GPC6: variants seen among roughly 807,000 people sequenced by gnomAD.
GPC6 encodes the protein glypican-6.
In GPC6, 14 loss-of-function variants were observed where a neutral mutation model predicts 55.2. The ratio of observed to expected loss-of-function variants is 0.25; its 90% CI spans 0.17 to 0.40. The LOEUF (loss-of-function observed/expected upper bound fraction) is 0.40. GPC6 is among the 10% of genes least tolerant of loss of function. The pLI, the probability that GPC6 is intolerant of heterozygous loss-of-function variation, is 1.00. For missense variants in GPC6, 641 were observed against 708.5 expected (o/e 0.90, Z 1.08); for synonymous variants, 278 against 259.6 (o/e 1.07, Z -0.68).
At chr13:93,408,385 A>G (rs1372861144) in intron 1 of GPC6, among the ~76,000 whole-genome samples, 2 of 152,158 alleles carry the variant, frequency 1.3e-5, no homozygotes, top group Admixed American at 6.6e-5. Flanking sequence ...CATGAGAAAA[A>G]GAAGTCCCAT....
At position 94,321,116 on chromosome 13, in the gene GPC6, T is replaced by G. The variant is rs554251158; in HGVS notation, c.1152+14993T>G. ...TGGTGTCTTTTGTTCCTCTCTTTTGTGTCCATGTGTTTTCGTCATTTACTG... is the reference window on the plus strand; with the variant it reads ...TGGTGTCTTTTGTTCCTCTCTTTTGGGTCCATGTGTTTTCGTCATTTACTG... On this transcript the variant is annotated intron_variant, in intron 6 of 8. Coordinates refer to ENST00000377047, the MANE Select transcript of GPC6 (RefSeq NM_005708.5). Among the ~76,000 whole-genome samples the G allele has an allele frequency of 5.9e-5, 9 of 152,326 alleles. No individual in the cohort carries two copies. The South Asian group carries it at 1.9e-3, about 32-fold the overall frequency.
At chr13:93,935,661 A>G (rs1400725916) in intron 3 of GPC6, among the ~76,000 whole-genome samples, 1 of 152,192 alleles carries the variant, frequency 6.6e-6, no homozygotes, top group Non-Finnish European at 1.5e-5. Context: ...TTTCTGTTGG[A>G]GAGCACTATT....
intron 1 of GPC6, among the ~76,000 whole-genome samples, chr13:93,502,945 A>G (rs937325173): frequency 1.3e-5 from 2 of 152,198 alleles, no homozygotes; most frequent in Non-Finnish European, 2.9e-5. Flanking sequence ...ATGTACTAAA[A>G]TAATTATGAA....
chr13:93,612,662 A>T (rs1041834394), intron 2 of GPC6, among the ~76,000 whole-genome samples: 5 of 152,210 alleles, frequency 3.3e-5, no homozygotes, highest in African/African-American at 9.6e-5. Flanking sequence ...CCAAATAGGG[A>T]GTAAATTAGG....
chr13:93,812,908 C>G (rs1886740518), intron 2 of GPC6, among the ~76,000 whole-genome samples: 2 of 152,100 alleles, frequency 1.3e-5, no homozygotes, highest in Admixed American at 6.6e-5. Context: ...ATGCCTGTCT[C>G]TCAACTTTTG....
chr13:93,955,078 G>A (rs569107039), intron 3 of GPC6, among the ~76,000 whole-genome samples: 1 of 152,160 alleles, frequency 6.6e-6, no homozygotes, highest in East Asian at 1.9e-4. Flanking sequence ...GGCCCCTTCT[G>A]TGCCATTGAC....
At chr13:93,503,106 A>G (rs754795219) in intron 1 of GPC6, among the ~76,000 whole-genome samples, 75 of 152,276 alleles carry the variant, frequency 4.9e-4, no homozygotes, top group African/African-American at 1.8e-3. Flanking sequence ...CATCCTCACC[A>G]TGGGCATACC....
intron 1 of GPC6, among the ~76,000 whole-genome samples, chr13:93,407,966 T>G (rs1009540073): frequency 6.6e-6 from 1 of 152,232 alleles, no homozygotes; most frequent in African/African-American, 2.4e-5. Context: ...TGCTCACTAT[T>G]TCTGTGCCTT....
At chr13:93,250,486 TC>T (rs1157501280) in intron 1 of GPC6, among the ~76,000 whole-genome samples, 1 of 152,164 alleles carries the variant, frequency 6.6e-6, no homozygotes, top group Non-Finnish European at 1.5e-5. Context: ...CATGAAGACC[TC>T]CTGAGTCACT....
At chr13:93,853,416 G>T (rs2139015559) in intron 3 of GPC6, among the ~76,000 whole-genome samples, 1 of 151,690 alleles carries the variant, frequency 6.6e-6, no homozygotes, top group African/African-American at 2.4e-5. Flanking sequence ...CCAAGTAGAG[G>T]TTAAAGTGTA....
chr13:93,920,025 C>T (rs567366411), intron 3 of GPC6, among the ~76,000 whole-genome samples: 1 of 152,202 alleles, frequency 6.6e-6, no homozygotes, highest in Non-Finnish European at 1.5e-5. Flanking sequence ...ACAATCCAGC[C>T]TCTCCCATAA....
intron 5 of GPC6, among the ~76,000 whole-genome samples, chr13:94,287,864 C>T (rs1892573396): frequency 6.6e-6 from 1 of 152,172 alleles, no homozygotes; most frequent in Admixed American, 6.5e-5. Context: ...TTAAAAACAG[C>T]TCTAGAGACT....
chr13:93,688,075 T>C (rs755539586), intron 2 of GPC6, among the ~76,000 whole-genome samples: 8 of 152,094 alleles, frequency 5.3e-5, no homozygotes, highest in Non-Finnish European at 8.8e-5. Flanking sequence ...ACAATATTGG[T>C]TGGATTCCCA....
intron 1 of GPC6, among the ~76,000 whole-genome samples, chr13:93,388,083 T>C (rs1320119821): frequency 6.6e-6 from 1 of 152,190 alleles, no homozygotes; most frequent in African/African-American, 2.4e-5. Flanking sequence ...GAATGAGATA[T>C]GATTGTCCCT....
chr13:93,483,639 A>G (rs951193510), intron 1 of GPC6, among the ~76,000 whole-genome samples: 1 of 152,304 alleles, frequency 6.6e-6, no homozygotes, highest in South Asian at 2.1e-4. Context: ...ATGTGATAGC[A>G]TATATGTTTG....
chr13:93,776,933 G>A (rs902899329), intron 2 of GPC6, among the ~76,000 whole-genome samples: 2 of 152,162 alleles, frequency 1.3e-5, no homozygotes, highest in African/African-American at 4.8e-5. Flanking sequence ...GAACAGTTGT[G>A]CTAATGTTAT....
chr13:93,874,078 G>T (rs907080649), intron 3 of GPC6, among the ~76,000 whole-genome samples: 6 of 151,846 alleles, frequency 4.0e-5, no homozygotes, highest in African/African-American at 1.4e-4. Context: ...TATAGCTTCA[G>T]GGGTACATGT....
chr13:94,379,050 GA>G (rs201050355), intron 6 of GPC6, among the ~76,000 whole-genome samples: 10 of 150,402 alleles, frequency 6.6e-5, no homozygotes, highest in Admixed American at 1.3e-4. Flanking sequence ...AAGTTTCCAG[GA>G]AAAAAAACCA....
chr13:93,472,158 C>T (rs2139329773), intron 1 of GPC6, among the ~76,000 whole-genome samples: 1 of 152,266 alleles, frequency 6.6e-6, no homozygotes, highest in East Asian at 1.9e-4. Context: ...GAGATTTTTC[C>T]TGTTCTTTAT....
Sources: allele counts gnomAD v4.1 joint callset (sites outside exome capture counted in the v4.1 genomes callset), GRCh38; gene constraint gnomAD v4.1.1; transcripts MANE v1.5; gene names NCBI Gene and HGNC (gene_info 2026-07-23, HGNC 2026-07-21).